ROR1: variants seen among roughly 807,000 people sequenced by gnomAD.
ROR1 encodes inactive tyrosine-protein kinase transmembrane receptor ROR1.
A neutral mutation model predicts 78.8 loss-of-function variants in ROR1; 19 were observed. The observed-to-expected ratio is 0.24, with a 90% CI of 0.17 to 0.35. The LOEUF (loss-of-function observed/expected upper bound fraction) is 0.35. ROR1 is among the 10% of genes least tolerant of loss of function. ROR1 has a pLI of 1.00. For missense variants in ROR1, 917 were observed against 1,177.8 expected (o/e 0.78, Z 3.24); for synonymous variants, 386 against 433.6 (o/e 0.89, Z 1.36).
intron 1 of ROR1, among the ~76,000 whole-genome samples, chr1:63,835,659 A>G (rs1645015233): frequency 6.6e-6 from 1 of 152,252 alleles, no homozygotes; most frequent in African/African-American, 2.4e-5. Context: ...TAGAAACAAC[A>G]GGCAAGACAT....
chr1:63,850,388 C>G (rs955381297), intron 1 of ROR1, among the ~76,000 whole-genome samples: 2 of 152,206 alleles, frequency 1.3e-5, no homozygotes, highest in Admixed American at 6.5e-5. Flanking sequence ...GGCCAAATAC[C>G]TAGGAATAGA....
At chr1:64,019,738 A>T (rs1254210053) in intron 2 of ROR1, among the ~76,000 whole-genome samples, 1 of 152,162 alleles carries the variant, frequency 6.6e-6, no homozygotes, top group Non-Finnish European at 1.5e-5. Flanking sequence ...ACTGTGACAG[A>T]TTTACAGATG....
At chr1:64,150,938 T>G (rs1183580833) in intron 7 of ROR1, among the ~76,000 whole-genome samples, 1 of 152,252 alleles carries the variant, frequency 6.6e-6, no homozygotes, top group Non-Finnish European at 1.5e-5. Flanking sequence ...CTGAACTTTT[T>G]GGGCTCACCA....
intron 1 of ROR1, among the ~76,000 whole-genome samples, chr1:63,838,532 A>G (rs1367928816): frequency 2.0e-5 from 3 of 152,172 alleles, no homozygotes; most frequent in Non-Finnish European, 1.5e-5. Context: ...AAGGATATAA[A>G]GAAAATATTT....
At chr1:64,041,604 T>C (rs1420864964) in intron 2 of ROR1, among the ~76,000 whole-genome samples, 1 of 152,180 alleles carries the variant, frequency 6.6e-6, no homozygotes, top group Non-Finnish European at 1.5e-5. Context: ...AGTGCATATT[T>C]GCAGAACCAT....
chr1:64,030,824 T>C (rs953606957), intron 2 of ROR1, among the ~76,000 whole-genome samples: 4 of 152,200 alleles, frequency 2.6e-5, no homozygotes, highest in African/African-American at 9.7e-5. Flanking sequence ...TTACAAATTA[T>C]CTTTACATTG....
Position 64,079,838 on chromosome 1 carries a change from A to ATT in ROR1, c.482+29132_482+29133dup, listed in dbSNP as rs58144685. Among the ~76,000 whole-genome samples the ATT allele has an allele frequency of 3.8e-4, 57 of 150,178 alleles. 1 individual carries two copies. The highest frequency in any genetic ancestry group is 1.7e-3 in the Admixed American group (26 of 15,064). On this transcript the variant is annotated intron_variant, in intron 4 of 8. Coordinates refer to ENST00000371079, the MANE Select transcript of ROR1 (RefSeq NM_005012.4). ...TTTAAGAACTGTGGAAACAATCTTGATTTTTTTTTTTATTCCAGGAGGATT... is the reference window on the plus strand; with the variant it reads ...TTTAAGAACTGTGGAAACAATCTTGATTTTTTTTTTTTTATTCCAGGAGGATT...
intron 1 of ROR1, among the ~76,000 whole-genome samples, chr1:63,954,150 C>T (rs1290356431): frequency 6.6e-6 from 1 of 152,202 alleles, no homozygotes; most frequent in East Asian, 1.9e-4. Flanking sequence ...CAGAGTAATC[C>T]ATGCAGGGCT....
Position 63,774,392 on chromosome 1 carries a change from C to T in ROR1, c.-26C>T. 1 of 1,256,154 alleles carries T rather than the reference C, an allele frequency of 8.0e-7. No individual in the cohort carries two copies. 77.8% of individuals were successfully genotyped at this position (1,256,154 alleles called of 1,614,324 possible). A position where few individuals can be genotyped will look rare whatever the true frequency, so the allele number is the denominator to read the frequency against. ...TCTGCGCGCGGCCTGGGAGCCGCCG[C>T]CGCCGCCGCCTCAGCGAGAGGAGGA... On this transcript the variant is annotated 5_prime_UTR_variant, in exon 1 of 9. Coordinates refer to ENST00000371079, the MANE Select transcript of ROR1 (RefSeq NM_005012.4). The surrounding 1 kb of genome is among the most constrained non-coding windows in gnomAD (Gnocchi z 5.7).
intron 1 of ROR1, among the ~76,000 whole-genome samples, chr1:63,828,275 C>A (rs1329349559): frequency 3.3e-5 from 5 of 152,140 alleles, no homozygotes; most frequent in Admixed American, 1.3e-4. Flanking sequence ...TAGGTCAGAG[C>A]TGGGAAGCTT....
chr1:64,029,092 C>T lies in ROR1; in HGVS notation c.163+19716C>T, dbSNP rs184258599. Reference sequence around the variant, plus strand: ...TACTAGTTTTATGATCATTAATTATCGTATATTTATATTAATAAAAATAAT... The same window carrying T: ...TACTAGTTTTATGATCATTAATTATTGTATATTTATATTAATAAAAATAAT... On this transcript the variant is annotated intron_variant, in intron 2 of 8. Coordinates refer to ENST00000371079, the MANE Select transcript of ROR1 (RefSeq NM_005012.4). 707 of 152,084 alleles carry T rather than the reference C, an allele frequency of 4.6e-3. 10 individuals are homozygous for T. Among genetic ancestry groups the T allele is most frequent in the African/African-American group, 0.016 (677 of 41,492 alleles). The allele number at this position is 152,084 out of a possible 1,614,324, so 9.4% of individuals were successfully genotyped here.
intron 4 of ROR1, among the ~76,000 whole-genome samples, chr1:64,131,622 G>A (rs886737245): frequency 5.9e-5 from 9 of 151,680 alleles, no homozygotes; most frequent in African/African-American, 9.7e-5. Flanking sequence ...TTTTGTTATC[G>A]TTATGTTTTA....
At position 64,044,224 on chromosome 1, in the gene ROR1, G is replaced by A. The variant is rs151016125; in HGVS notation, c.164-5467G>A. Among the ~76,000 whole-genome samples the A allele has an allele frequency of 1.6e-3, 250 of 152,280 alleles. 1 individual carries two copies. Among genetic ancestry groups the A allele is most frequent in the East Asian group, 0.013 (67 of 5,170 alleles). On this transcript the variant is annotated intron_variant, in intron 2 of 8. Coordinates refer to ENST00000371079, the MANE Select transcript of ROR1 (RefSeq NM_005012.4). ...GTTCTGAAAGCCTTACACCAGTCTA[G>A]GACCCTGAGGGCTGGGAAAGGGCAG...
In ROR1 at chr1:64,049,442, T is replaced by C. The variant is rs146268456; in HGVS notation, c.164-249T>C. Among the ~76,000 whole-genome samples, 134 of 152,254 alleles carry C rather than the reference T, an allele frequency of 8.8e-4. No individual in the cohort carries two copies. The Middle Eastern group carries it at 0.024, about 27-fold the overall frequency. ...GAAGCACAAAAGCTTATCCATGTAG[T>C]CTTTTGGAGACTTTGGGTTCTATAC... On this transcript the variant is annotated intron_variant, in intron 2 of 8. Coordinates refer to ENST00000371079, the MANE Select transcript of ROR1 (RefSeq NM_005012.4).
intron 1 of ROR1, among the ~76,000 whole-genome samples, chr1:63,904,115 C>G (rs1569886583): frequency 6.6e-6 from 1 of 152,176 alleles, no homozygotes; most frequent in East Asian, 1.9e-4. Flanking sequence ...CAGGGGAGCC[C>G]CATGATGGAG....
At chr1:64,009,000 T>C (rs116123796) in intron 1 of ROR1, among the ~76,000 whole-genome samples, 393 of 152,322 alleles carry the variant, frequency 2.6e-3, no homozygotes, top group Non-Finnish European at 4.2e-3. Flanking sequence ...GATTTGCATT[T>C]CTCTGGTGGT....
intron 1 of ROR1, among the ~76,000 whole-genome samples, chr1:63,955,504 G>A (rs1359390700): frequency 1.3e-5 from 2 of 152,028 alleles, no homozygotes; most frequent in Non-Finnish European, 2.9e-5. Flanking sequence ...TTTTTCTCAG[G>A]AGAGACAGTT....
chr1:63,837,781 A>G (rs113720634), intron 1 of ROR1, among the ~76,000 whole-genome samples: 9 of 152,204 alleles, frequency 5.9e-5, no homozygotes, highest in Non-Finnish European at 1.3e-4. Flanking sequence ...TGATTGTGCC[A>G]CTGCACTTTA....
chr1:64,152,503 T>C (rs774221451), intron 7 of ROR1, among the ~76,000 whole-genome samples: 8 of 152,230 alleles, frequency 5.3e-5, no homozygotes, highest in Non-Finnish European at 8.8e-5. Flanking sequence ...TGCATCATGC[T>C]GTTGCTGGGT....
Sources: gnomAD v4.1 joint callset for allele counts (sites outside exome capture counted in the v4.1 genomes callset) on GRCh38, gnomAD v4.1.1 for gene constraint, Gnocchi (gnomAD v3.1) non-coding constraint, MANE v1.5 for transcripts, NCBI Gene and HGNC (gene_info 2026-07-23, HGNC 2026-07-21) for gene names.